DPYD: variants seen among roughly 807,000 people sequenced by gnomAD.
The protein encoded by DPYD is dihydropyrimidine dehydrogenase [NADP(+)].
Under a neutral mutation model 116.2 loss-of-function variants are expected in DPYD, and 109 were observed. That is an observed-to-expected ratio of 0.94 (90% CI 0.80 to 1.10). DPYD has a LOEUF of 1.10. Among genes scored for constraint, DPYD ranks in the 50% least tolerant of loss-of-function variants. The pLI, the probability that DPYD is intolerant of heterozygous loss-of-function variation, is 0.00. For missense variants in DPYD, 1,302 were observed against 1,254.5 expected (o/e 1.04, Z -0.57); for synonymous variants, 440 against 432.0 (o/e 1.02, Z -0.23).
In DPYD at chr1:97,078,434, C is replaced by T. The variant is rs1186675116; in HGVS notation, c.*542G>A. ...AAAGTTCTACAAACTCAATTTTAGG[C>T]TTTCTTATCCTGCCATAGCAAATAA... On this transcript the variant is annotated 3_prime_UTR_variant, in exon 23 of 23. Transcript: ENST00000370192. The T allele has an allele frequency of 1.2e-5, 2 of 171,854 alleles. No homozygotes were observed. The highest frequency in any genetic ancestry group is 3.2e-4 in the East Asian group (2 of 6,200). The allele number at this position is 171,854 out of a possible 1,614,324, so 10.6% of individuals were successfully genotyped here. A position where few individuals can be genotyped will look rare whatever the true frequency, so the allele number is the denominator to read the frequency against.
At chr1:97,291,320 A>G (rs959119133) in intron 18 of DPYD, among the ~76,000 whole-genome samples, 1 of 152,082 alleles carries the variant, frequency 6.6e-6, no homozygotes, top group Non-Finnish European at 1.5e-5. Context: ...CATTTGACCC[A>G]GCCATCCCAT....
At chr1:97,227,331 C>CAAAAAAAAAAAAA (rs60992225) in intron 19 of DPYD, among the ~76,000 whole-genome samples, 3 of 26,372 alleles carry the variant, frequency 1.1e-4, no homozygotes, top group Non-Finnish European at 2.4e-4. Flanking sequence ...GACTCTATCT[C>CAAAAAAAAAAAAA]AAAAAAAAAA....
At chr1:97,538,919 T>A (rs1650215310) in intron 12 of DPYD, among the ~76,000 whole-genome samples, 1 of 152,166 alleles carries the variant, frequency 6.6e-6, no homozygotes, top group Non-Finnish European at 1.5e-5. Flanking sequence ...TATAGATTCA[T>A]AAATGAAATA....
In DPYD at chr1:97,285,864, C is replaced by T. The variant is rs190454014; in HGVS notation, c.2299+19395G>A. ...TAGTGAGACTTTTGGAGAGTCCACC[C>T]GAGTGTCCAATCACAAACCTAAATT... On this transcript the variant is annotated intron_variant, in intron 18 of 22. Transcript: ENST00000370192. 4.2e-3 allele frequency among the ~76,000 whole-genome samples: 637 copies of T among 152,022 alleles called. 10 individuals carry two copies. The highest frequency in any genetic ancestry group is 0.015 in the African/African-American group (609 of 41,436).
intron 16 of DPYD, among the ~76,000 whole-genome samples, chr1:97,365,885 C>A (rs988815961): frequency 3.9e-5 from 6 of 152,154 alleles, no homozygotes; most frequent in Non-Finnish European, 2.9e-5. Context: ...CTTCCTGCCT[C>A]AGCCTCCCAA....
intron 13 of DPYD, among the ~76,000 whole-genome samples, chr1:97,476,680 G>A (rs114273993): frequency 0.017 from 2,593 of 152,026 alleles, 39 homozygotes; most frequent in Non-Finnish European, 0.026. Context: ...GTCATAGAAC[G>A]TATAAAGATA....
chr1:97,193,076 ATGAGTTCAGCTATACG>A lies in DPYD; in HGVS notation c.2599_2614del (p.Arg867TrpfsTer19), dbSNP rs1348484901. 1 of 1,613,852 alleles carries A rather than the reference ATGAGTTCAGCTATACG, an allele frequency of 6.2e-7. No homozygotes were observed. Among genetic ancestry groups the A allele is most frequent in the African/African-American group, 1.3e-5 (1 of 74,926 alleles). On this transcript the variant is annotated frameshift_variant, in exon 20 of 23. Transcript: ENST00000370192. LOFTEE classifies it high-confidence loss of function. Reference sequence around the variant, plus strand: ...GGAGATTTAAGCACATACCTTGTCCATGAGTTCAGCTATACGTGGAACTGGTTTCCCTTTCTGGTGA... The same window carrying A: ...GGAGATTTAAGCACATACCTTGTCCATGGAACTGGTTTCCCTTTCTGGTGA...
intron 3 of DPYD, among the ~76,000 whole-genome samples, chr1:97,807,101 T>C (rs954297122): frequency 2.0e-5 from 3 of 152,082 alleles, no homozygotes; most frequent in African/African-American, 7.2e-5. Flanking sequence ...CTAACAATTA[T>C]GAATAAAACT....
At chr1:97,138,342 A>T (rs761098254) in intron 20 of DPYD, among the ~76,000 whole-genome samples, 5 of 152,172 alleles carry the variant, frequency 3.3e-5, no homozygotes, top group Non-Finnish European at 7.3e-5. Context: ...AAGGGGAGAC[A>T]AACAATGTTG....
intron 3 of DPYD, among the ~76,000 whole-genome samples, chr1:97,752,744 A>T (rs1665002561): frequency 6.6e-6 from 1 of 152,198 alleles, no homozygotes; most frequent in African/African-American, 2.4e-5. Context: ...GCTTGGAGCC[A>T]TTCTGATCTC....
intron 3 of DPYD, among the ~76,000 whole-genome samples, chr1:97,773,086 T>C (rs1431484200): frequency 6.6e-6 from 1 of 152,212 alleles, no homozygotes; most frequent in Non-Finnish European, 1.5e-5. Context: ...GTGAGTTTTA[T>C]TCTATCTCTA....
At position 97,207,125 on chromosome 1, in the gene DPYD, A is replaced by G. The variant is rs931927239; in HGVS notation, c.2443-13877T>C. Among the ~76,000 whole-genome samples the G allele has an allele frequency of 3.3e-5, 5 of 152,116 alleles. 1 individual carries two copies. The highest frequency in any genetic ancestry group is 1.2e-4 in the African/African-American group (5 of 41,448). On this transcript the variant is annotated intron_variant, in intron 19 of 22. Transcript: ENST00000370192. Reference sequence around the variant, plus strand: ...GCCTGGCATATGACTTATTCAATGGATGAATACATGAAGCAAAATAAAAAT... The same window carrying G: ...GCCTGGCATATGACTTATTCAATGGGTGAATACATGAAGCAAAATAAAAAT...
chr1:97,417,496 CTAATA>C (rs983641184), intron 14 of DPYD, among the ~76,000 whole-genome samples: 2 of 152,074 alleles, frequency 1.3e-5, no homozygotes, highest in African/African-American at 4.8e-5. Flanking sequence ...ATAACATACT[CTAATA>C]TATGCTTTTT....
chr1:97,337,941 A>C (rs980889829), intron 16 of DPYD, among the ~76,000 whole-genome samples: 4 of 152,142 alleles, frequency 2.6e-5, no homozygotes, highest in Non-Finnish European at 5.9e-5. Context: ...GTTGCCACTA[A>C]ATCTCCCAGG....
chr1:97,842,316 T>C (rs1432642659), intron 2 of DPYD, among the ~76,000 whole-genome samples: 2 of 151,964 alleles, frequency 1.3e-5, no homozygotes, highest in African/African-American at 2.4e-5. Context: ...CAATCATCAA[T>C]AGAATAACAA....
intron 21 of DPYD, among the ~76,000 whole-genome samples, chr1:97,084,701 G>T (rs1023849791): frequency 3.3e-5 from 5 of 152,106 alleles, no homozygotes; most frequent in African/African-American, 1.2e-4. Context: ...GAGAACCAGT[G>T]TTGCCTGACT....
intron 20 of DPYD, among the ~76,000 whole-genome samples, chr1:97,118,225 G>A (rs1320958969): frequency 6.6e-6 from 1 of 152,090 alleles, no homozygotes; most frequent in Non-Finnish European, 1.5e-5. Context: ...TTAGAGGCCA[G>A]CACATCGTCT....
chr1:97,618,815 T>C (rs1438952106), intron 8 of DPYD, among the ~76,000 whole-genome samples: 3 of 152,098 alleles, frequency 2.0e-5, no homozygotes, highest in African/African-American at 7.2e-5. Flanking sequence ...CCATCACAGA[T>C]TAATGAAGGG....
chr1:97,150,402 A>T (rs1212812726), intron 20 of DPYD, among the ~76,000 whole-genome samples: 1 of 152,326 alleles, frequency 6.6e-6, no homozygotes, highest in Middle Eastern at 3.4e-3. Flanking sequence ...TGCTTAATAA[A>T]CATTTGCTGG....
Sources: gnomAD v4.1 joint callset for allele counts (sites outside exome capture counted in the v4.1 genomes callset) on GRCh38, gnomAD v4.1.1 for gene constraint, MANE v1.5 for transcripts, NCBI Gene and HGNC (gene_info 2026-07-23, HGNC 2026-07-21) for gene names.